BATF: variants seen among roughly 807,000 people sequenced by gnomAD.
BATF encodes basic leucine zipper ATF-like transcription factor.
In BATF, 5 loss-of-function variants were observed where a neutral mutation model predicts 13.7. That is an observed-to-expected ratio of 0.36 (90% confidence interval 0.19 to 0.77). The LOEUF (loss-of-function observed/expected upper bound fraction) is 0.77. BATF is among the 30% of genes least tolerant of loss of function. BATF has a pLI of 0.51. For synonymous variants in BATF, 72 were observed against 67.5 expected (o/e 1.07, Z -0.33); for missense variants, 124 against 163.0 (o/e 0.76, Z 1.30).
chr14:75,539,143 A>C (rs180907644), intron 2 of BATF, among the ~76,000 whole-genome samples: 283 of 152,334 alleles, frequency 1.9e-3, no homozygotes, highest in African/African-American at 6.4e-3. Flanking sequence ...AAGTGGAGAG[A>C]CCAGGCTACA....
At chr14:75,540,745 C>T (rs941216754) in intron 2 of BATF, among the ~76,000 whole-genome samples, 3 of 151,186 alleles carry the variant, frequency 2.0e-5, no homozygotes, top group African/African-American at 7.4e-5. Flanking sequence ...TAATGATAAC[C>T]ATAAAATACT....
intron 2 of BATF, among the ~76,000 whole-genome samples, chr14:75,535,309 G>A (rs1887801517): frequency 6.6e-6 from 1 of 152,108 alleles, no homozygotes; most frequent in Non-Finnish European, 1.5e-5. Flanking sequence ...TACTTTAGAG[G>A]CTGAGGTGGG....
intron 2 of BATF, among the ~76,000 whole-genome samples, chr14:75,534,151 G>A (rs1887784709): frequency 6.6e-6 from 1 of 152,060 alleles, no homozygotes; most frequent in Non-Finnish European, 1.5e-5. Context: ...AATTAGAAAG[G>A]GCAGTGACAT....
chr14:75,538,964 T>C (rs888297142), intron 2 of BATF, among the ~76,000 whole-genome samples: 1 of 152,188 alleles, frequency 6.6e-6, no homozygotes, highest in Non-Finnish European at 1.5e-5. Context: ...TTATTATTTG[T>C]TTTGTTGTTT....
At chr14:75,524,448 G>T (rs1887622346) in intron 1 of BATF, among the ~76,000 whole-genome samples, 1 of 152,224 alleles carries the variant, frequency 6.6e-6, no homozygotes, top group Admixed American at 6.5e-5. Context: ...ACCACATGGG[G>T]TGCAGAGTAG....
intron 1 of BATF, among the ~76,000 whole-genome samples, chr14:75,524,185 A>G (rs891434920): frequency 3.9e-5 from 6 of 152,178 alleles, no homozygotes; most frequent in Non-Finnish European, 7.4e-5. Flanking sequence ...AACTGGAGCT[A>G]ACCTCTCTGC....
chr14:75,522,697 C>T lies in BATF; in HGVS notation c.15C>T (p.Ser5=), dbSNP rs140734204. 2.9e-5 allele frequency: 46 copies of T among 1,613,994 alleles called. No homozygotes were observed. The African/African-American group carries it at 3.6e-4, about 13-fold the overall frequency. ...AGATTTCAGCCATGCCTCACAGCTC[C>T]GACAGCAGTGACTCCAGCTTCAGCC... is the stretch of plus-strand genomic sequence containing the variant. MPHS[S]DSSDSSFSRS... Residue 5 remains serine (S), a synonymous_variant, in exon 1 of 3, where the codon TCC becomes TCT. Coordinates refer to ENST00000286639, the MANE Select transcript of BATF (RefSeq NM_006399.5).
At chr14:75,538,161 G>A (rs1887843853) in intron 2 of BATF, among the ~76,000 whole-genome samples, 1 of 152,086 alleles carries the variant, frequency 6.6e-6, no homozygotes, top group African/African-American at 2.4e-5. Flanking sequence ...GTATCACTAT[G>A]TTGCCCAGGC....
chr14:75,530,795 T>C (rs1241161310), intron 2 of BATF, among the ~76,000 whole-genome samples: 1 of 152,312 alleles, frequency 6.6e-6, no homozygotes, highest in East Asian at 1.9e-4. Flanking sequence ...ATTACAGGTG[T>C]GAGCAACAGC....
At chr14:75,524,253 T>C (rs1055316593) in intron 1 of BATF, among the ~76,000 whole-genome samples, 2 of 152,160 alleles carry the variant, frequency 1.3e-5, no homozygotes, top group Non-Finnish European at 2.9e-5. Context: ...AAGATCCCCT[T>C]ATCCTACCAA....
chr14:75,525,726 T>C (rs1194029297), intron 2 of BATF, among the ~76,000 whole-genome samples: 1 of 148,672 alleles, frequency 6.7e-6, no homozygotes, highest in African/African-American at 2.5e-5. Context: ...AACAGAGAAA[T>C]GGGCCTTTCT....
intron 2 of BATF, among the ~76,000 whole-genome samples, chr14:75,530,936 C>A (rs1217564020): frequency 6.6e-6 from 1 of 152,164 alleles, no homozygotes; most frequent in East Asian, 1.9e-4. Context: ...GACTAAAGAT[C>A]TAAAGCAAGA....
chr14:75,525,819 C>T (rs563797600), intron 2 of BATF, among the ~76,000 whole-genome samples: 1 of 131,520 alleles, frequency 7.6e-6, no homozygotes, highest in South Asian at 2.1e-4. Flanking sequence ...TTGGGGACGG[C>T]CCATTGTCTC....
intron 1 of BATF, among the ~76,000 whole-genome samples, chr14:75,523,467 G>A (rs970905707): frequency 6.6e-6 from 1 of 152,188 alleles, no homozygotes; most frequent in Admixed American, 6.5e-5. Flanking sequence ...GGAAACCAGA[G>A]AGACTGAGAT....
chr14:75,546,448 C>T lies in BATF; in HGVS notation c.169-14C>T. 1 of 1,613,752 alleles carries T rather than the reference C, an allele frequency of 6.2e-7. No individual in the cohort carries two copies. ...CTAGACACTAACCTCCGGTGCTGAT[C>T]CCCACCCCTACAGGAGAGCGAAGAC... On this transcript the variant is annotated splice_polypyrimidine_tract_variant and intron_variant, in intron 2 of 2. Transcript: ENST00000286639.
At chr14:75,542,726 A>T (rs1456683338) in intron 2 of BATF, among the ~76,000 whole-genome samples, 1 of 152,228 alleles carries the variant, frequency 6.6e-6, no homozygotes, top group Non-Finnish European at 1.5e-5. Flanking sequence ...TGGGGGCCCT[A>T]GCAGGAAGCA....
intron 2 of BATF, among the ~76,000 whole-genome samples, chr14:75,533,255 T>C (rs978802683): frequency 2.6e-5 from 4 of 152,002 alleles, no homozygotes; most frequent in African/African-American, 9.7e-5. Flanking sequence ...AGTGAAACCC[T>C]GTCTCTACTA....
intron 2 of BATF, among the ~76,000 whole-genome samples, chr14:75,542,018 G>A (rs1887903549): frequency 6.6e-6 from 1 of 151,698 alleles, no homozygotes; most frequent in African/African-American, 2.4e-5. Context: ...AGTCTCTCGG[G>A]GGAAGCAGTC....
chr14:75,541,329 T>A (rs918842345), intron 2 of BATF, among the ~76,000 whole-genome samples: 1 of 152,156 alleles, frequency 6.6e-6, no homozygotes, highest in African/African-American at 2.4e-5. Flanking sequence ...TGGAGCTGAA[T>A]AGGGAAATCG....
Sources: allele counts gnomAD v4.1 joint callset (sites outside exome capture counted in the v4.1 genomes callset), GRCh38; gene constraint gnomAD v4.1.1; transcripts MANE v1.5; gene names NCBI Gene and HGNC (gene_info 2026-07-23, HGNC 2026-07-21).